TP63: variants seen among roughly 807,000 people sequenced by gnomAD.
The protein encoded by TP63 is tumor protein p63.
A neutral mutation model predicts 82.8 loss-of-function variants in TP63; 17 were observed. The observed-to-expected ratio is 0.21, with a 90% CI of 0.14 to 0.31. The LOEUF (loss-of-function observed/expected upper bound fraction) is 0.31. TP63 is among the 10% of genes least tolerant of loss of function. The pLI, the probability that TP63 is intolerant of heterozygous loss-of-function variation, is 1.00. For missense variants in TP63, 648 were observed against 895.3 expected (o/e 0.72, Z 3.52); for synonymous variants, 330 against 321.7 (o/e 1.03, Z -0.28).
intron 9 of TP63, 150 bp from the exon 10 acceptor site, chr3:189,872,709 G>A (rs1718581524): frequency 8.1e-7 from 1 of 1,231,826 alleles, no homozygotes; most frequent in African/African-American, 1.5e-5. Flanking sequence ...ACCACAAAAG[G>A]GCCAAGAGTG....
chr3:189,610,056 T>C, the TP63 span, among the ~76,000 whole-genome samples: 2 of 152,186 alleles, frequency 1.3e-5, no homozygotes, highest in Non-Finnish European at 2.9e-5. Context: ...TTTCTGACTT[T>C]AGTAATAGCC....
At chr3:189,700,881 C>A (rs555690229) in intron 1 of TP63, among the ~76,000 whole-genome samples, 1 of 151,990 alleles carries the variant, frequency 6.6e-6, no homozygotes, top group Admixed American at 6.6e-5. Context: ...ACATACCAAG[C>A]TAGGAACATA....
intron 4 of TP63, among the ~76,000 whole-genome samples, chr3:189,863,890 G>A (rs139372600): frequency 6.6e-6 from 1 of 152,140 alleles, no homozygotes; most frequent in East Asian, 1.9e-4. Context: ...CTTTCACTTA[G>A]CTTCTGGTAA....
intron 4 of TP63, among the ~76,000 whole-genome samples, chr3:189,837,144 G>C (rs541172089): frequency 6.6e-5 from 10 of 152,160 alleles, no homozygotes; most frequent in African/African-American, 2.2e-4. Context: ...GTCAACAAAA[G>C]ATGATTTTTG....
rs1729463283 is a variant in TP63, at chr3:189,631,617, TG to T, written c.62+41del. On this transcript the variant is annotated intron_variant, in intron 1 of 13. Transcript: ENST00000264731. Reference sequence around the variant, plus strand: ...GACATAACTTCTCTCAAAACTTAATTGAAGTGCCTTGTGTATTATGAATGTG... The same window carrying T: ...GACATAACTTCTCTCAAAACTTAATTAAGTGCCTTGTGTATTATGAATGTG... 7 of 1,611,886 alleles carry T rather than the reference TG, an allele frequency of 4.3e-6. No individual in the cohort carries two copies. In the Admixed American group the frequency reaches 1.0e-4, roughly 23 times the overall value.
chr3:189,774,880 T>C (rs887936419), intron 3 of TP63, among the ~76,000 whole-genome samples: 3 of 152,122 alleles, frequency 2.0e-5, no homozygotes, highest in African/African-American at 7.2e-5. Flanking sequence ...TCTCAAGACT[T>C]AGGTACGCGG....
intron 4 of TP63, among the ~76,000 whole-genome samples, chr3:189,839,054 A>AG (rs993466798): frequency 4.1e-5 from 6 of 147,810 alleles, no homozygotes; most frequent in African/African-American, 9.7e-5. Flanking sequence ...AAAAAAAAAA[A>AG]AAAAAAAAAA....
the TP63 span, among the ~76,000 whole-genome samples, chr3:189,603,800 C>T: frequency 6.6e-6 from 1 of 151,760 alleles, no homozygotes; most frequent in Admixed American, 6.6e-5. Flanking sequence ...ATACATCCCT[C>T]AAGTCCCAAG....
intron 1 of TP63, among the ~76,000 whole-genome samples, chr3:189,676,173 C>T (rs1002405294): frequency 2.6e-5 from 4 of 152,056 alleles, no homozygotes; most frequent in African/African-American, 9.7e-5. Flanking sequence ...GTGATGAGGA[C>T]ACTTAAGTTC....
At position 189,748,692 on chromosome 3, in the gene TP63, A is replaced by C. The variant is rs9846547; in HGVS notation, c.324+9918A>C. Among the ~76,000 whole-genome samples, 454 of 152,010 alleles carry C rather than the reference A, an allele frequency of 3.0e-3. 3 individuals are homozygous for C. The highest frequency in any genetic ancestry group is 8.8e-3 in the African/African-American group (365 of 41,532). The stretch of plus-strand genomic sequence containing the variant: ...TTCACAGAAAAAAAAAATCCTAAAA[A>C]TCATATGGAATAAAAAAGAGCCCAA... On this transcript the variant is annotated intron_variant, in intron 3 of 13. Transcript: ENST00000264731.
intron 1 of TP63, among the ~76,000 whole-genome samples, chr3:189,714,798 A>C (rs189770332): frequency 1.2e-4 from 18 of 152,324 alleles, no homozygotes; most frequent in Admixed American, 1.2e-3. Context: ...ACACACAGAC[A>C]TACATGTACA....
chr3:189,864,654 G>T (rs902176701), intron 5 of TP63, among the ~76,000 whole-genome samples: 1 of 146,018 alleles, frequency 6.8e-6, no homozygotes, highest in South Asian at 2.1e-4. Flanking sequence ...TAGATGACCT[G>T]AACTACTGGT....
chr3:189,633,035 A>G (rs538655869), intron 1 of TP63, among the ~76,000 whole-genome samples: 1 of 152,044 alleles, frequency 6.6e-6, no homozygotes, highest in Admixed American at 6.6e-5. Flanking sequence ...TCTATTGACT[A>G]ATAACCCACA....
intron 1 of TP63, among the ~76,000 whole-genome samples, chr3:189,648,235 C>T (rs993602126): frequency 6.8e-6 from 1 of 147,198 alleles, no homozygotes; most frequent in Non-Finnish European, 1.5e-5. Flanking sequence ...TGACCCCCTT[C>T]CCTTCACACA....
chr3:189,771,331 T>C (rs1289438665), intron 3 of TP63, among the ~76,000 whole-genome samples: 1 of 137,814 alleles, frequency 7.3e-6, no homozygotes, highest in Non-Finnish European at 1.5e-5. Context: ...TATTTATATA[T>C]AATATATATT....
chr3:189,767,950 A>G (rs758983954), intron 3 of TP63, among the ~76,000 whole-genome samples: 5 of 152,176 alleles, frequency 3.3e-5, no homozygotes, highest in Non-Finnish European at 5.9e-5. Context: ...TAAATATTTG[A>G]TATTTAATCC....
rs1425837540 is a variant in TP63, at chr3:189,890,834, G to C, written c.1698G>C (p.Thr566=). The C allele has an allele frequency of 1.2e-6, 2 of 1,613,948 alleles. No individual in the cohort carries two copies. The highest frequency in any genetic ancestry group is 1.7e-5 in the Admixed American group (1 of 60,018). ...LGCSSCLDYF[T]TQGLTTIYQI... ...GTTCATCATGTCTGGACTATTTCAC[G>C]ACCCAGGGGCTGACCACCATCTATC... Residue 566 remains threonine (T), a synonymous_variant, in exon 13 of 14, where the codon ACG becomes ACC. Transcript: ENST00000264731.
At chr3:189,706,493 G>A (rs1342375275) in intron 1 of TP63, among the ~76,000 whole-genome samples, 1 of 152,046 alleles carries the variant, frequency 6.6e-6, no homozygotes, top group Non-Finnish European at 1.5e-5. Context: ...TGACCTTGTG[G>A]TCCGCTGGCC....
intron 3 of TP63, among the ~76,000 whole-genome samples, chr3:189,767,049 C>A: frequency 6.6e-6 from 1 of 152,094 alleles, no homozygotes; most frequent in East Asian, 1.9e-4. Flanking sequence ...ATAAAAATCA[C>A]GTATTTCCAC....
Sources: gnomAD v4.1 joint callset for allele counts (sites outside exome capture counted in the v4.1 genomes callset) on GRCh38, gnomAD v4.1.1 for gene constraint, MANE v1.5 for transcripts, NCBI Gene and HGNC (gene_info 2026-07-23, HGNC 2026-07-21) for gene names.